CACNB2: variants seen among roughly 807,000 people sequenced by gnomAD.
The protein encoded by CACNB2 is calcium voltage-gated channel auxiliary subunit beta 2.
In CACNB2, 42 loss-of-function variants were observed where a neutral mutation model predicts 73.3. That is an observed-to-expected ratio of 0.57 (90% CI 0.45 to 0.74). The LOEUF (loss-of-function observed/expected upper bound fraction) is 0.74. Ranked by LOEUF, CACNB2 falls within the 30% of genes least tolerant of loss-of-function variation. The pLI, the probability that CACNB2 is intolerant of heterozygous loss-of-function variation, is 0.00. For synonymous variants in CACNB2, 348 were observed against 310.3 expected (o/e 1.12, Z -1.28); for missense variants, 940 against 853.0 (o/e 1.10, Z -1.27).
At chr10:18,532,706 AAAAC>A (rs1294579741) in intron 10 of CACNB2, among the ~76,000 whole-genome samples, 17 of 64,880 alleles carry the variant, frequency 2.6e-4, no homozygotes, top group Non-Finnish European at 5.3e-4. Flanking sequence ...ACAAAACAAA[AAAAC>A]AAACAAACAA....
intron 2 of CACNB2, among the ~76,000 whole-genome samples, chr10:18,340,297 C>G (rs564804846): frequency 5.3e-5 from 8 of 152,170 alleles, no homozygotes; most frequent in Non-Finnish European, 1.2e-4. Context: ...CCAAGTGATA[C>G]TCATTTGACT....
chr10:18,421,928 T>C (rs570707887), intron 3 of CACNB2, among the ~76,000 whole-genome samples: 1 of 152,326 alleles, frequency 6.6e-6, no homozygotes, highest in South Asian at 2.1e-4. Context: ...GTTCTGGGTT[T>C]AGCTGTAGTG....
intron 2 of CACNB2, among the ~76,000 whole-genome samples, chr10:18,237,851 T>C (rs1015112792): frequency 4.6e-5 from 7 of 152,162 alleles, no homozygotes; most frequent in East Asian, 1.9e-4. Flanking sequence ...TCTGGAATGA[T>C]GGTAGAAAGG....
At chr10:18,211,563 C>A (rs1350770754) in intron 2 of CACNB2, among the ~76,000 whole-genome samples, 5 of 152,102 alleles carry the variant, frequency 3.3e-5, no homozygotes, top group Non-Finnish European at 7.4e-5. Context: ...TAAACCAGTT[C>A]TGTGAGTTTT....
chr10:18,388,067 C>T (rs1420176947), intron 2 of CACNB2, among the ~76,000 whole-genome samples: 1 of 152,154 alleles, frequency 6.6e-6, no homozygotes, highest in African/African-American at 2.4e-5. Context: ...CAAGCCATTT[C>T]TCATCCTTAC....
rs373547432 is a variant in CACNB2, at chr10:18,378,428, G to A, written c.214-23496G>A. 2.6e-5 allele frequency among the ~76,000 whole-genome samples: 4 copies of A among 152,122 alleles called. No homozygotes were observed. The East Asian group carries it at 5.8e-4, about 22-fold the overall frequency. ...TAATTGCTTTATACAAAATATGTAC[G>A]TCAATTAATCAGAGCTGTAATTATT... On this transcript the variant is annotated intron_variant, in intron 2 of 13. Transcript: ENST00000324631.
intron 2 of CACNB2, among the ~76,000 whole-genome samples, chr10:18,384,227 C>T (rs1160804631): frequency 6.6e-6 from 1 of 152,038 alleles, no homozygotes; most frequent in Non-Finnish European, 1.5e-5. Context: ...GATCTGTGGT[C>T]ATGTTTTGAG....
intron 3 of CACNB2, among the ~76,000 whole-genome samples, chr10:18,451,449 A>C (rs1161674334): frequency 6.6e-6 from 1 of 152,192 alleles, no homozygotes; most frequent in Non-Finnish European, 1.5e-5. Flanking sequence ...TGTCATGAAG[A>C]CACATCACAT....
intron 3 of CACNB2, among the ~76,000 whole-genome samples, chr10:18,408,538 C>T (rs2044425906): frequency 6.6e-6 from 1 of 152,006 alleles, no homozygotes; most frequent in African/African-American, 2.4e-5. Context: ...TGTGCCTGGC[C>T]ATACCCCCAA....
intron 6 of CACNB2, among the ~76,000 whole-genome samples, chr10:18,507,213 A>C (rs2050538275): frequency 6.6e-6 from 1 of 152,228 alleles, no homozygotes. Context: ...ATTAAACAGA[A>C]GGATAAAAAC....
intron 2 of CACNB2, among the ~76,000 whole-genome samples, chr10:18,220,117 A>G (rs1207673774): frequency 1.2e-4 from 2 of 16,062 alleles, no homozygotes; most frequent in East Asian, 2.3e-3. Flanking sequence ...TTTAATATAT[A>G]TATATATATA....
intron 2 of CACNB2, among the ~76,000 whole-genome samples, chr10:18,178,644 C>T (rs2033723122): frequency 6.6e-6 from 1 of 152,100 alleles, no homozygotes; most frequent in South Asian, 2.1e-4. Context: ...ATAGAAACAT[C>T]TTTGGGTAAA....
At chr10:18,286,445 C>A (rs1031222116) in intron 2 of CACNB2, among the ~76,000 whole-genome samples, 2 of 135,590 alleles carry the variant, frequency 1.5e-5, no homozygotes, top group South Asian at 2.5e-4. Context: ...GTGAACCCTG[C>A]AGGTGGAGCT....
chr10:18,336,376 T>C (rs925326688), intron 2 of CACNB2, among the ~76,000 whole-genome samples: 6 of 152,196 alleles, frequency 3.9e-5, no homozygotes, highest in Admixed American at 3.9e-4. Context: ...TCCCACACTT[T>C]GGGAGGCCAA....
chr10:18,337,406 TTTTTC>T (rs889067164), intron 2 of CACNB2, among the ~76,000 whole-genome samples: 37 of 152,296 alleles, frequency 2.4e-4, no homozygotes, highest in African/African-American at 8.9e-4. Context: ...CCGGCCTACT[TTTTTC>T]TTTTATTTAC....
intron 2 of CACNB2, among the ~76,000 whole-genome samples, chr10:18,295,913 G>A (rs2039258915): frequency 6.6e-6 from 1 of 151,094 alleles, no homozygotes; most frequent in African/African-American, 2.4e-5. Flanking sequence ...AGGGACAGAA[G>A]TCCATCACCT....
In CACNB2 at chr10:18,498,467, A is replaced by T; in HGVS notation, c.446A>T (p.His149Leu). The T allele has an allele frequency of 6.2e-7, 1 of 1,614,078 alleles. No homozygotes were observed. The highest frequency in any genetic ancestry group is 8.5e-7 in the Non-Finnish European group (1 of 1,179,962). ...TCATTCGAAGCAAAAGATTTTCTGC[A>T]TGTTAAGGAAGTAAGGAGAATAATT... is the stretch of plus-strand genomic sequence containing the variant. Reference protein sequence around the residue: ...AISFEAKDFLHVKEKFNNDWW... With the variant: ...AISFEAKDFLLVKEKFNNDWW... Residue 149 changes from histidine to leucine, a missense_variant, in exon 4 of 14, where the codon CAT becomes CTT. Transcript: ENST00000324631.
intron 2 of CACNB2, among the ~76,000 whole-genome samples, chr10:18,259,978 A>T (rs141679420): frequency 6.6e-6 from 1 of 152,156 alleles, no homozygotes; most frequent in Non-Finnish European, 1.5e-5. Flanking sequence ...CAGGAGCCTA[A>T]AGGATGTAGT....
Position 18,540,412 on chromosome 10 carries a change from G to A in CACNB2, c.*688G>A, listed in dbSNP as rs1424400852. ...AGCAGATTTGCTTTATGAATTACAG[G>A]GACTAGAAATGCCCACATTCAGGAA... On this transcript the variant is annotated 3_prime_UTR_variant, in exon 14 of 14. Transcript: ENST00000324631. 6.6e-6 allele frequency: 1 copy of A among 152,256 alleles called. No homozygotes were observed. The highest frequency in any genetic ancestry group is 1.9e-4 in the East Asian group (1 of 5,152). The allele number at this position is 152,256 out of a possible 1,614,324, so 9.4% of individuals were successfully genotyped here.
Sources: allele counts gnomAD v4.1 joint callset (sites outside exome capture counted in the v4.1 genomes callset), GRCh38; gene constraint gnomAD v4.1.1; transcripts MANE v1.5; gene names NCBI Gene and HGNC (gene_info 2026-07-23, HGNC 2026-07-21).